The following PARP12 variants were observed in gnomAD, a reference collection of about 807,000 sequenced individuals.
The protein encoded by PARP12 is poly(ADP-ribose) polymerase family member 12, also known as protein mono-ADP-ribosyltransferase PARP12.
Under a neutral mutation model 72.4 loss-of-function variants are expected in PARP12, and 59 were observed. The ratio of observed to expected loss-of-function variants is 0.81; its 90% CI spans 0.66 to 1.01. PARP12 has a LOEUF of 1.01. PARP12 is among the 50% of genes least tolerant of loss of function. The probability of loss-of-function intolerance (pLI) is 0.00; values close to 1 mark genes in which losing one functional copy is unlikely to be tolerated. For missense variants in PARP12, 851 were observed against 914.0 expected (o/e 0.93, Z 0.89); for synonymous variants, 403 against 371.4 (o/e 1.09, Z -0.98).
At chr7:140,062,476 G>T in intron 1 of PARP12, 46 bp downstream of exon 1, 1 of 1,494,670 alleles carries the variant, frequency 6.7e-7, no homozygotes, top group Non-Finnish European at 8.9e-7. Context: ...GTGCGTGAGG[G>T]CGCGCAGGAC....
chr7:140,025,715 G>A (rs1223944002), intron 11 of PARP12: 6 of 313,198 alleles, frequency 1.9e-5, no homozygotes, highest in East Asian at 7.9e-5. Flanking sequence ...CTTGAATTTC[G>A]ATTTCCAAAG....
chr7:140,062,283 G>A (rs909341821), intron 1 of PARP12, among the ~76,000 whole-genome samples: 1 of 147,638 alleles, frequency 6.8e-6, no homozygotes, highest in African/African-American at 2.5e-5. Flanking sequence ...CATGCTCTAT[G>A]TAAATCACTC....
intron 8 of PARP12, chr7:140,033,972 C>A: frequency 9.3e-7 from 1 of 1,075,480 alleles, no homozygotes; most frequent in African/African-American, 1.7e-5. Flanking sequence ...AGTCTAGACT[C>A]GCCTTCAGAG....
chr7:140,032,945 C>CAATAAT (rs944371537), intron 8 of PARP12, among the ~76,000 whole-genome samples: 1 of 152,094 alleles, frequency 6.6e-6, no homozygotes, highest in Admixed American at 6.5e-5. Context: ...TAGTCAAAAA[C>CAATAAT]AATAATAATA....
rs576824937 is a variant in PARP12 at position 140,058,429 on chromosome 7, T to C, written c.327-395A>G. On this transcript the variant is annotated intron_variant, in intron 1 of 11. Transcript: ENST00000263549. ...TGGAGGCTGAGGCAGAAGAATGGCA[T>C]GAACCCGAGAGGCGGAGCTTGCAGT... Among the ~76,000 whole-genome samples the C allele has an allele frequency of 2.6e-5, 4 of 150,974 alleles. No individual in the cohort carries two copies. The South Asian group carries it at 8.4e-4, about 32-fold the overall frequency.
chr7:140,057,941 T>A lies in PARP12; in HGVS notation c.420A>T (p.Leu140=). ...HGVDHLSYNE[L]CQLLFQNDPW... ...GGTCGTTCTGAAACAAGAGTTGGCA[T>A]AGCTCATTATAGCTCAGGTGGTCAA... is the stretch of plus-strand genomic sequence containing the variant. The change falls in exon 2 of 12, where the codon CTA becomes CTT. Residue 140 remains leucine (L), a synonymous_variant. Transcript: ENST00000263549. 1 of 1,614,258 alleles carries A rather than the reference T, an allele frequency of 6.2e-7. No individual in the cohort carries two copies. The highest frequency in any genetic ancestry group is 8.5e-7 in the Non-Finnish European group (1 of 1,180,026).
chr7:140,045,872 A>G (rs377666826), intron 5 of PARP12, among the ~76,000 whole-genome samples: 20 of 152,286 alleles, frequency 1.3e-4, no homozygotes, highest in African/African-American at 4.6e-4. Flanking sequence ...GAGGGTGAAG[A>G]ATTTGAGTGA....
Position 140,056,864 on chromosome 7 carries a change from C to T in PARP12, c.752G>A (p.Gly251Glu). The T allele has an allele frequency of 6.2e-7, 1 of 1,605,466 alleles. No individual in the cohort carries two copies. Among genetic ancestry groups the T allele is most frequent in the Non-Finnish European group, 8.5e-7 (1 of 1,176,202 alleles). The change falls in exon 3 of 12, where the codon GGG becomes GAG. Residue 251 changes from glycine (G) to glutamate (E), a missense_variant. Gly to Glu is a moderately conservative substitution (Grantham distance 98, BLOSUM62 -2). This residue lies in a region of PARP12 where 492 missense variants were observed against 489.3 expected (regional missense o/e 1.01). Coordinates refer to ENST00000263549, the MANE Select transcript of PARP12 (RefSeq NM_022750.4). ...CTCCCCACCAGCCTTACCAGAAGTC[C>T]CCTGTGGGACAAAAAGAGGAGGCAC... ...SRVPPLFVPQ[G>E]TSERKDSSGS...
intron 4 of PARP12, among the ~76,000 whole-genome samples, chr7:140,047,723 TCC>T (rs1816790660): frequency 6.6e-6 from 1 of 151,970 alleles, no homozygotes; most frequent in African/African-American, 2.4e-5. Context: ...GCTCAGGTGA[TCC>T]TCCCATCTCA....
chr7:140,033,144 C>T (rs1023958626), intron 8 of PARP12: 4 of 972,876 alleles, frequency 4.1e-6, no homozygotes, highest in South Asian at 4.8e-5. Context: ...CTACCCGCCT[C>T]GGCCTCTTGA....
chr7:140,057,847 C>T (rs536589382), intron 2 of PARP12, 52 bp downstream of exon 2: 2 of 1,607,190 alleles, frequency 1.2e-6, no homozygotes, highest in African/African-American at 2.7e-5. Flanking sequence ...TTTCCCAAGA[C>T]ACAGGAATGT....
intron 11 of PARP12, 57 bp from the exon 12 acceptor site, chr7:140,024,942 G>A: frequency 6.6e-7 from 1 of 1,524,220 alleles, no homozygotes. Flanking sequence ...GGAAGGGTCA[G>A]CACACTGCGA....
Position 140,061,983 on chromosome 7 carries a change from C to CG in PARP12, c.326+538dup, listed in dbSNP as rs34674660. On this transcript the variant is annotated intron_variant, in intron 1 of 11. Coordinates refer to ENST00000263549, the MANE Select transcript of PARP12 (RefSeq NM_022750.4). ...AAATGCCCAGGCTCCCAGAAATGCC[C>CG]GGGGGGGGGGGGGTGTTCCAGTCAC... is the stretch of plus-strand genomic sequence containing the variant. Among the ~76,000 whole-genome samples the CG allele has an allele frequency of 6.2e-3, 561 of 89,802 alleles. 23 individuals are homozygous for CG. The highest frequency in any genetic ancestry group is 0.023 in the African/African-American group (483 of 20,558). 58.9% of individuals were successfully genotyped at this position (89,802 alleles called of 152,430 possible).
In PARP12 at chr7:140,024,618, G is replaced by A. The variant is rs529315342; in HGVS notation, c.2048C>T (p.Pro683Leu). Residue 683 changes from proline to leucine, a missense_variant, in exon 12 of 12, where the codon CCC (proline) becomes CTC (leucine). Physicochemically the swap from Pro to Leu is moderately conservative, Grantham distance 98. Transcript: ENST00000263549. ...CAGCAGGATGGAGGGTGTGACCGAG[G>A]GCTTGGAGGAGGTGGTGTACTGGAT... Reference protein sequence around the residue: ...YVIQYTTSSKPSVTPSILLAL... With the variant: ...YVIQYTTSSKLSVTPSILLAL... 1.9e-6 allele frequency: 3 copies of A among 1,614,184 alleles called. No individual in the cohort carries two copies. The highest frequency in any genetic ancestry group is 3.3e-5 in the Admixed American group (2 of 60,026).
In PARP12 at chr7:140,056,923, ATG is replaced by A; in HGVS notation, c.691_692del (p.His231Ter). 1 of 1,613,902 alleles carries A rather than the reference ATG, an allele frequency of 6.2e-7. No individual in the cohort carries two copies. ...GGGCAGAGCTCTTATTCTTGATGTC[ATG>A]TGCATTTCTATAAATGGTAGGCAGC... ...SRLPTIYRNA[H>X]DIKNKSSAPS... On this transcript the variant is annotated frameshift_variant, in exon 3 of 12. Transcript: ENST00000263549. LOFTEE classifies it high-confidence loss of function.
intron 8 of PARP12, among the ~76,000 whole-genome samples, chr7:140,030,012 C>T (rs1218760257): frequency 6.6e-6 from 1 of 152,186 alleles, no homozygotes; most frequent in African/African-American, 2.4e-5. Flanking sequence ...ATGCACCTAT[C>T]CGCAGCTTAA....
At chr7:140,034,580 G>T in intron 7 of PARP12, 1 of 272,960 alleles carries the variant, frequency 3.7e-6, no homozygotes, top group Non-Finnish European at 7.2e-6. Flanking sequence ...TTACACATGA[G>T]TGCTTTTAAA....
intron 9 of PARP12, 29 bp downstream of exon 9, chr7:140,028,584 G>A (rs1320114740): frequency 1.3e-6 from 2 of 1,539,556 alleles, no homozygotes; most frequent in East Asian, 2.4e-5. Context: ...ACACCTTCCT[G>A]TCCAGCCCCA....
intron 1 of PARP12, among the ~76,000 whole-genome samples, chr7:140,058,471 G>A (rs1029786869): frequency 6.6e-6 from 1 of 151,610 alleles, no homozygotes; most frequent in African/African-American, 2.4e-5. Context: ...CTGCACTCCA[G>A]CCTGGGCAAC....
Sources: gnomAD v4.1 joint callset for allele counts (sites outside exome capture counted in the v4.1 genomes callset) on GRCh38, gnomAD v4.1.1 for gene constraint, gnomAD v4.1.1 regional missense constraint, MANE v1.5 for transcripts, NCBI Gene and HGNC (gene_info 2026-07-23, HGNC 2026-07-21) for gene names.